Variants in CMYA5 observed in about 807,000 individuals in gnomAD.
CMYA5 encodes the protein cardiomyopathy associated 5.
In CMYA5, 246 loss-of-function variants were observed where a neutral mutation model predicts 318.9. That is an observed-to-expected ratio of 0.77 (90% CI 0.70 to 0.86). CMYA5 has a LOEUF of 0.86. Ranked by LOEUF, CMYA5 falls within the 40% of genes least tolerant of loss-of-function variation. The probability of loss-of-function intolerance (pLI) is 0.00; values close to 1 mark genes in which losing one functional copy is unlikely to be tolerated. For missense variants in CMYA5, 4,589 were observed against 4,678.2 expected (o/e 0.98, Z 0.56); for synonymous variants, 1,641 against 1,729.5 (o/e 0.95, Z 1.27).
In CMYA5 at chr5:79,738,511, A is replaced by G. The variant is rs796315907; in HGVS notation, c.9746A>G (p.His3249Arg). The G allele has an allele frequency of 2.5e-6, 4 of 1,613,520 alleles. No homozygotes were observed. Among genetic ancestry groups the G allele is most frequent in the East Asian group, 2.2e-5 (1 of 44,878 alleles). Residue 3249 changes from histidine (H) to arginine (R), a missense_variant, in exon 2 of 13, where the codon CAT (histidine) becomes CGT (arginine). Physicochemically the swap from His to Arg is conservative, Grantham distance 29. Around this residue, in one of 3 missense-constraint regions of CMYA5, gnomAD observed 2,431 missense variants for 2,495.1 expected, o/e 0.97. Transcript: ENST00000446378. ...EKYILKDDILHDTSLTQKDQG... is the reference protein window; with the variant it reads ...EKYILKDDILRDTSLTQKDQG... The stretch of plus-strand genomic sequence containing the variant: ...TACATACTCAAAGATGACATTCTCC[A>G]TGACACATCTCTAACTCAAAAGGAC...
At chr5:79,716,055 G>T (rs1358795612) in intron 1 of CMYA5, among the ~76,000 whole-genome samples, 1 of 152,208 alleles carries the variant, frequency 6.6e-6, no homozygotes, top group Non-Finnish European at 1.5e-5. Flanking sequence ...AGGTCAGTTT[G>T]TGGTGGATAC....
Position 79,738,701 on chromosome 5 carries a change from G to A in CMYA5, c.9936G>A (p.Glu3312=). The part of the protein sequence containing the change: ...YGEGESVDHV[E]TVGNVAMQKK... ...AAGGAGAATCAGTAGACCATGTGGA[G>A]ACCGTTGGTAACGTAGCGATGCAGA... Residue 3312 remains glutamate (E), a synonymous_variant, in exon 2 of 13, where the codon GAG becomes GAA. Transcript: ENST00000446378. The A allele has an allele frequency of 6.2e-7, 1 of 1,613,954 alleles. No individual in the cohort carries two copies. Among genetic ancestry groups the A allele is most frequent in the Non-Finnish European group, 8.5e-7 (1 of 1,179,866 alleles).
intron 1 of CMYA5, among the ~76,000 whole-genome samples, chr5:79,704,155 T>C (rs75228464): frequency 0.016 from 2,474 of 150,664 alleles, 59 homozygotes; most frequent in African/African-American, 0.057. Context: ...TAAAGAAGAA[T>C]ATTAGCTAAA....
Position 79,736,540 on chromosome 5 carries a change from C to G in CMYA5, c.7775C>G (p.Thr2592Arg), listed in dbSNP as rs905453308. Residue 2592 changes from threonine to arginine, a missense_variant, in exon 2 of 13, where the codon ACA (threonine) becomes AGA (arginine). Physicochemically the swap from Thr to Arg is moderately conservative, Grantham distance 71. Coordinates refer to ENST00000446378, the MANE Select transcript of CMYA5 (RefSeq NM_153610.5). ...ETQSFSLVKA[T>R]SVTEKSEAML... is the part of the protein sequence containing the mutation. The stretch of plus-strand genomic sequence containing the variant: ...CAATCATTTTCATTAGTTAAAGCTA[C>G]ATCAGTTACTGAAAAATCAGAAGCC... 1 of 1,613,464 alleles carries G rather than the reference C, an allele frequency of 6.2e-7. No homozygotes were observed. Among genetic ancestry groups the G allele is most frequent in the South Asian group, 1.1e-5 (1 of 91,064 alleles).
In CMYA5 at chr5:79,738,138, T is replaced by C; in HGVS notation, c.9373T>C (p.Leu3125=). ...FYGPEKGHNI[L]SHPETQSQNS... ...TGGACCAGAAAAGGGCCACAACATA[T>C]TATCTCATCCAGAGACCCAAAGCCA... The change falls in exon 2 of 13, where the codon TTA becomes CTA. Residue 3125 remains leucine, a synonymous_variant. Transcript: ENST00000446378. The C allele has an allele frequency of 6.2e-7, 1 of 1,613,810 alleles. No homozygotes were observed. Among genetic ancestry groups the C allele is most frequent in the Non-Finnish European group, 8.5e-7 (1 of 1,179,814 alleles).
At chr5:79,706,792 C>A (rs1431870813) in intron 1 of CMYA5, among the ~76,000 whole-genome samples, 1 of 152,146 alleles carries the variant, frequency 6.6e-6, no homozygotes, top group Non-Finnish European at 1.5e-5. Context: ...TTTACACAGT[C>A]CTGCATGCAA....
Position 79,743,881 on chromosome 5 carries a change from G to A in CMYA5, c.10693G>A (p.Ala3565Thr). Residue 3565 changes from alanine (A) to threonine (T), a missense_variant, in exon 3 of 13, where the codon GCC becomes ACC. Transcript: ENST00000446378. ...ACAAGAAAAGTCCTTGAGGATTGAAGCCTTTGTTAGTGAGATAGAATCCTT... is the reference window on the plus strand; with the variant it reads ...ACAAGAAAAGTCCTTGAGGATTGAAACCTTTGTTAGTGAGATAGAATCCTT... ...NLQEKSLRIEAFVSEIESFFN... is the reference protein window; with the variant it reads ...NLQEKSLRIETFVSEIESFFN... 6.5e-7 allele frequency: 1 copy of A among 1,548,522 alleles called. No homozygotes were observed. Among genetic ancestry groups the A allele is most frequent in the East Asian group, 2.4e-5 (1 of 41,648 alleles).
At chr5:79,713,981 A>G (rs966457169) in intron 1 of CMYA5, among the ~76,000 whole-genome samples, 2 of 152,188 alleles carry the variant, frequency 1.3e-5, no homozygotes, top group African/African-American at 4.8e-5. Context: ...TAACAAGTCT[A>G]TGTGTATCCC....
chr5:79,732,900 C>G lies in CMYA5; in HGVS notation c.4135C>G (p.Leu1379Val), dbSNP rs1561208417. ...VKEEIPTDSS[L>V]ITPVDRPVLT... The stretch of plus-strand genomic sequence containing the variant: ...AGAAGAAATCCCAACAGATTCATCT[C>G]TTATCACTCCTGTAGATCGTCCAGT... Residue 1379 changes from leucine (L) to valine (V), a missense_variant, in exon 2 of 13, where the codon CTT (leucine) becomes GTT (valine). By Grantham distance (32) the Leu-to-Val change is conservative (BLOSUM62 1). Coordinates refer to ENST00000446378, the MANE Select transcript of CMYA5 (RefSeq NM_153610.5). 6.2e-7 allele frequency: 1 copy of G among 1,613,776 alleles called. No homozygotes were observed. Among genetic ancestry groups the G allele is most frequent in the Admixed American group, 1.7e-5 (1 of 59,980 alleles).
At chr5:79,769,090 T>C (rs961597203) in intron 9 of CMYA5, among the ~76,000 whole-genome samples, 3 of 152,042 alleles carry the variant, frequency 2.0e-5, no homozygotes, top group African/African-American at 7.2e-5. Flanking sequence ...TTAATTTGGC[T>C]ATTGATACTT....
At position 79,738,210 on chromosome 5, in the gene CMYA5, G is replaced by C. The variant is rs1221769157; in HGVS notation, c.9445G>C (p.Asp3149His). The C allele has an allele frequency of 2.4e-5, 38 of 1,613,726 alleles. No individual in the cohort carries two copies. Among genetic ancestry groups the C allele is most frequent in the Non-Finnish European group, 3.1e-5 (37 of 1,179,852 alleles). ...NVSKDTKRDV[D>H]SKSPGMPLFE... is the part of the protein sequence containing the mutation. ...TTCAAAGGACACAAAGAGAGATGTG[G>C]ACTCAAAGTCACCGGGGATGCCTTT... The change falls in exon 2 of 13, where the codon GAC becomes CAC. Residue 3149 changes from aspartate (D) to histidine (H), a missense_variant. Asp to His is a moderately conservative substitution (Grantham distance 81). Around this residue, in one of 3 missense-constraint regions of CMYA5, gnomAD observed 2,431 missense variants for 2,495.1 expected, o/e 0.97. Coordinates refer to ENST00000446378, the MANE Select transcript of CMYA5 (RefSeq NM_153610.5).
intron 1 of CMYA5, among the ~76,000 whole-genome samples, chr5:79,702,043 G>A (rs537506713): frequency 1.5e-4 from 23 of 152,126 alleles, no homozygotes; most frequent in African/African-American, 5.1e-4. Context: ...GGTGAAGCTT[G>A]CAGTGAGCTG....
chr5:79,723,892 T>A (rs72635615), intron 1 of CMYA5, among the ~76,000 whole-genome samples: 1 of 152,094 alleles, frequency 6.6e-6, no homozygotes, highest in Non-Finnish European at 1.5e-5. Flanking sequence ...TATAAAAGTA[T>A]AATGTATCAC....
chr5:79,791,059 C>A lies in CMYA5; in HGVS notation c.11779C>A (p.Arg3927=). 1.2e-6 allele frequency: 2 copies of A among 1,611,924 alleles called. No individual in the cohort carries two copies. The highest frequency in any genetic ancestry group is 1.1e-5 in the South Asian group (1 of 90,884). ...GTVISFGERR[R]LTEIPSVLGE... is the part of the protein sequence containing the mutation. ...AGTGATCAGCTTTGGTGAGAGGAGA[C>A]GGCTGACGGAGTAAGTAGAAGAAGA... Residue 3927 remains arginine, a synonymous_variant, in exon 11 of 13, where the codon CGG becomes AGG. Coordinates refer to ENST00000446378, the MANE Select transcript of CMYA5 (RefSeq NM_153610.5).
chr5:79,722,556 A>C (rs1177872380), intron 1 of CMYA5, among the ~76,000 whole-genome samples: 1 of 151,972 alleles, frequency 6.6e-6, no homozygotes. Context: ...GCATGCCTGT[A>C]ATCCCAGCTA....
intron 1 of CMYA5, among the ~76,000 whole-genome samples, chr5:79,718,431 C>T (rs900394296): frequency 9.9e-5 from 15 of 152,166 alleles, no homozygotes; most frequent in African/African-American, 3.1e-4. Flanking sequence ...TAAGCAGGAT[C>T]ATAGGTGACT....
chr5:79,769,454 G>A (rs547067598), intron 9 of CMYA5, among the ~76,000 whole-genome samples: 2 of 152,154 alleles, frequency 1.3e-5, no homozygotes, highest in South Asian at 2.1e-4. Flanking sequence ...TTTCGTCTTT[G>A]ATGTTGGTGA....
chr5:79,719,121 G>C (rs1271842485), intron 1 of CMYA5, among the ~76,000 whole-genome samples: 1 of 152,132 alleles, frequency 6.6e-6, no homozygotes, highest in Non-Finnish European at 1.5e-5. Context: ...AGGAAAGAAT[G>C]AGAGAATCAA....
intron 9 of CMYA5, among the ~76,000 whole-genome samples, chr5:79,777,337 T>A (rs1318732140): frequency 6.6e-6 from 1 of 152,220 alleles, no homozygotes; most frequent in Non-Finnish European, 1.5e-5. Flanking sequence ...TCCTTCCAGA[T>A]AGTCTGTGCA....
Sources: allele counts gnomAD v4.1 joint callset (sites outside exome capture counted in the v4.1 genomes callset), GRCh38; gene constraint gnomAD v4.1.1; regional missense constraint gnomAD v4.1.1; transcripts MANE v1.5; gene names NCBI Gene and HGNC (gene_info 2026-07-23, HGNC 2026-07-21).